C16orf96: variants seen among roughly 807,000 people sequenced by gnomAD.
C16orf96 encodes the protein uncharacterized protein C16orf96.
In C16orf96, 108 loss-of-function variants were observed where a neutral mutation model predicts 103.6. The observed-to-expected ratio is 1.04, with a 90% CI of 0.89 to 1.22. C16orf96 has a LOEUF of 1.22. Among genes scored for constraint, C16orf96 ranks in the 50% most tolerant of loss-of-function variants. The pLI is 0.00. For synonymous variants in C16orf96, 566 were observed against 593.5 expected, an observed-to-expected ratio of 0.95 and a Z score of 0.67; for missense variants, 1,586 against 1,464.2, an observed-to-expected ratio of 1.08 and a Z score of -1.36.
chr16:4,588,308 C>T lies in C16orf96; in HGVS notation c.2569C>T (p.Leu857Phe). Residue 857 changes from leucine (L) to phenylalanine (F), a missense_variant, in exon 9 of 16, where the codon CTC becomes TTC. By Grantham distance (22) the Leu-to-Phe change is conservative. Transcript: ENST00000444310. ...CAGCTGGAAGAAGGCTATGGAGGAG[C>T]TCAGCAAGGACGTGAACACCAAGGT... ...EDSWKKAMEE[L>F]SKDVNTKLVH... 9.0e-6 allele frequency: 14 copies of T among 1,551,490 alleles called. No homozygotes were observed. Among genetic ancestry groups the T allele is most frequent in the Non-Finnish European group, 1.2e-5 (14 of 1,146,824 alleles).
chr16:4,574,187 C>A (rs12934524), intron 2 of C16orf96, among the ~76,000 whole-genome samples: 144,964 of 152,178 alleles, frequency 0.95, 69,432 homozygotes, highest in South Asian at 1. Context: ...GAAGTCCTGC[C>A]GTACAGAAAC....
chr16:4,540,171 C>T, the C16orf96 span, among the ~76,000 whole-genome samples: 2 of 152,132 alleles, frequency 1.3e-5, no homozygotes, highest in African/African-American at 4.8e-5. Flanking sequence ...TTGTTACAGA[C>T]AGTATACAAG....
chr16:4,567,785 G>GC (rs2059397732), intron 1 of C16orf96, among the ~76,000 whole-genome samples: 1 of 127,118 alleles, frequency 7.9e-6, no homozygotes, highest in Non-Finnish European at 1.6e-5. Context: ...TACAACCTCT[G>GC]CTCCTGGGTT....
At chr16:4,564,024 C>T (rs2059361367) in intron 1 of C16orf96, among the ~76,000 whole-genome samples, 2 of 151,504 alleles carry the variant, frequency 1.3e-5, no homozygotes, top group African/African-American at 4.8e-5. Context: ...ATGGTGAAAT[C>T]CCGTCTCTAC....
At position 4,576,610 on chromosome 16, in the gene C16orf96, C is replaced by G. The variant is rs2141723223; in HGVS notation, c.2130C>G (p.Asn710Lys). ...AAGAATTTGCCCAGCTGTCCTGTAA[C>G]CTGAACCAGCGCTTGAGTTATCTAG... ...LKEEFAQLSC[N>K]LNQRLSYLAN... Residue 710 changes from asparagine to lysine, a missense_variant, in exon 5 of 16, where the codon AAC becomes AAG. Coordinates refer to ENST00000444310, the MANE Select transcript of C16orf96 (RefSeq NM_001145011.2). The G allele has an allele frequency of 6.4e-7, 1 of 1,551,386 alleles. No homozygotes were observed. Among genetic ancestry groups the G allele is most frequent in the East Asian group, 2.4e-5 (1 of 40,922 alleles).
rs762294276 is a variant in C16orf96 at position 4,575,423 on chromosome 16, G to A, written c.943G>A (p.Glu315Lys). 6.5e-7 allele frequency: 1 copy of A among 1,549,982 alleles called. No homozygotes were observed. Residue 315 changes from glutamate (E) to lysine (K), a missense_variant, in exon 5 of 16, where the codon GAG becomes AAG. By Grantham distance (56) the Glu-to-Lys change is moderately conservative. Coordinates refer to ENST00000444310, the MANE Select transcript of C16orf96 (RefSeq NM_001145011.2). ...AGCGCAGCCTCCGGCCCTCACGCCTGAGTCTGCACCTGGGTGCACAACTGA... is the reference window on the plus strand; with the variant it reads ...AGCGCAGCCTCCGGCCCTCACGCCTAAGTCTGCACCTGGGTGCACAACTGA... Reference protein sequence around the residue: ...EPAQPPALTPESAPGCTTEFA... With the variant: ...EPAQPPALTPKSAPGCTTEFA...
intron 1 of C16orf96, among the ~76,000 whole-genome samples, chr16:4,567,098 T>G (rs959902397): frequency 6.6e-6 from 1 of 152,048 alleles, no homozygotes; most frequent in Non-Finnish European, 1.5e-5. Flanking sequence ...AAGGTTAAGT[T>G]ATTGATTCAA....
chr16:4,566,265 C>A (rs548339563), intron 1 of C16orf96, among the ~76,000 whole-genome samples: 1 of 152,308 alleles, frequency 6.6e-6, no homozygotes, highest in South Asian at 2.1e-4. Flanking sequence ...ACACTGACTT[C>A]TAAAATGGCT....
Position 4,575,349 on chromosome 16 carries a change from C to T in C16orf96, c.869C>T (p.Pro290Leu), listed in dbSNP as rs907078563. ...CATTATGAGGTCCCAGAGCTCCTCC[C>T]GGAGGGCTCATCTGCCCAAGCAGTT... Reference protein sequence around the residue: ...VWHYEVPELLPEGSSAQAVSL... With the variant: ...VWHYEVPELLLEGSSAQAVSL... Residue 290 changes from proline (P) to leucine (L), a missense_variant, in exon 5 of 16, where the codon CCG becomes CTG. Pro to Leu is a moderately conservative substitution (Grantham distance 98, BLOSUM62 -3). Transcript: ENST00000444310. 9.2e-5 allele frequency: 142 copies of T among 1,551,102 alleles called. No homozygotes were observed. The highest frequency in any genetic ancestry group is 1.7e-4 in the South Asian group (14 of 84,072).
At position 4,593,201 on chromosome 16, in the gene C16orf96, G is replaced by A; in HGVS notation, c.2775-23G>A. The A allele has an allele frequency of 1.3e-6, 2 of 1,549,916 alleles. No individual in the cohort carries two copies. On this transcript the variant is annotated intron_variant, in intron 11 of 15. Transcript: ENST00000444310. This position sits in a 1 kb window ranked among gnomAD's most constrained non-coding sequence, Gnocchi z 4.2. ...GCCTAGCACGCCTCCCACAGCCCCT[G>A]CTGTGCCCTTGTCCTCCAACAGACA...
chr16:4,588,068 C>G (rs554538640), intron 8 of C16orf96, 99 bp from the exon 9 acceptor site: 14 of 1,266,904 alleles, frequency 1.1e-5, no homozygotes, highest in African/African-American at 4.5e-5. Context: ...AGTCCAGAGT[C>G]CCAAACTAGA....
rs140244734 is a variant in C16orf96 at position 4,599,022 on chromosome 16, G to A, written c.3128-262G>A. On this transcript the variant is annotated intron_variant, in intron 14 of 15. Transcript: ENST00000444310. ...TAGTCCCAGCTACTCGGGAGGCTGAGTTAGGAGGATTGCTTGAGCCCAGGA... is the reference window on the plus strand; with the variant it reads ...TAGTCCCAGCTACTCGGGAGGCTGAATTAGGAGGATTGCTTGAGCCCAGGA... Among the ~76,000 whole-genome samples the A allele has an allele frequency of 2.8e-3, 429 of 151,874 alleles. 2 individuals are homozygous for A. Among genetic ancestry groups the A allele is most frequent in the African/African-American group, 1.0e-2 (413 of 41,452 alleles).
Position 4,593,046 on chromosome 16 carries a change from C to T in C16orf96, c.2775-178C>T, listed in dbSNP as rs561888292. 2.6e-5 allele frequency among the ~76,000 whole-genome samples: 4 copies of T among 152,314 alleles called. No individual in the cohort carries two copies. In the East Asian group the frequency reaches 7.7e-4, roughly 29 times the overall value. Reference sequence around the variant, plus strand: ...GTGATGATCAGAGGTCCTGAGATGCCTTTCGGGGGGGCCCCTTCTACTTCT... The same window carrying T: ...GTGATGATCAGAGGTCCTGAGATGCTTTTCGGGGGGGCCCCTTCTACTTCT... On this transcript the variant is annotated intron_variant, in intron 11 of 15. Coordinates refer to ENST00000444310, the MANE Select transcript of C16orf96 (RefSeq NM_001145011.2). The surrounding 1 kb of genome is among the most constrained non-coding windows in gnomAD (Gnocchi z 4.2).
chr16:4,545,090 C>T, the C16orf96 span, among the ~76,000 whole-genome samples: 1 of 152,290 alleles, frequency 6.6e-6, no homozygotes, highest in South Asian at 2.1e-4. Context: ...AACAGGTTCT[C>T]CATGACCAGA....
At chr16:4,580,852 C>CAG (rs2059576159) in intron 7 of C16orf96, among the ~76,000 whole-genome samples, 1 of 151,914 alleles carries the variant, frequency 6.6e-6, no homozygotes, top group African/African-American at 2.4e-5. Flanking sequence ...AGGCTGGGTG[C>CAG]AGAGGCTCAC....
At position 4,575,585 on chromosome 16, in the gene C16orf96, G is replaced by C. The variant is rs1315857202; in HGVS notation, c.1105G>C (p.Val369Leu). 3 of 1,520,932 alleles carry C rather than the reference G, an allele frequency of 2.0e-6. No individual in the cohort carries two copies. The East Asian group carries it at 7.4e-5, about 37-fold the overall frequency. 94.2% of individuals were successfully genotyped at this position (1,520,932 alleles called of 1,614,324 possible). The change falls in exon 5 of 16, where the codon GTG becomes CTG. Residue 369 changes from valine to leucine, a missense_variant. By Grantham distance (32) the Val-to-Leu change is conservative (BLOSUM62 1). Coordinates refer to ENST00000444310, the MANE Select transcript of C16orf96 (RefSeq NM_001145011.2). ...TGGGTCCTTGCCAGCACCTTGGCCTGTGCTTGGACCTGTGCCTGCCCCAGG... is the reference window on the plus strand; with the variant it reads ...TGGGTCCTTGCCAGCACCTTGGCCTCTGCTTGGACCTGTGCCTGCCCCAGG... ...TPGSLPAPWP[V>L]LGPVPAPGAQ...
At chr16:4,554,243 A>G (rs950327357), upstream of C16orf96, among the ~76,000 whole-genome samples, 4 of 152,228 alleles carry the variant, frequency 2.6e-5, no homozygotes, top group African/African-American at 9.6e-5. Flanking sequence ...GGGGTTGTGA[A>G]GAGCCCAGCT....
At chr16:4,545,007 G>C in the C16orf96 span, among the ~76,000 whole-genome samples, 2 of 152,150 alleles carry the variant, frequency 1.3e-5, no homozygotes, top group Non-Finnish European at 1.5e-5. Flanking sequence ...TATAGTACAC[G>C]AATATGCATA....
intron 2 of C16orf96, 30 bp from the exon 3 acceptor site, chr16:4,574,679 C>T (rs1219232424): frequency 1.3e-6 from 2 of 1,533,050 alleles, no homozygotes; most frequent in African/African-American, 2.8e-5. Context: ...AACCTGGACC[C>T]CCAGTCCACA....
Sources: gnomAD v4.1 joint callset for allele counts (sites outside exome capture counted in the v4.1 genomes callset) on GRCh38, gnomAD v4.1.1 for gene constraint, Gnocchi (gnomAD v3.1) non-coding constraint, MANE v1.5 for transcripts, NCBI Gene and HGNC (gene_info 2026-07-23, HGNC 2026-07-21) for gene names.